The following PAQR3 variants were observed in gnomAD, a reference collection of about 807,000 sequenced individuals.
PAQR3 encodes Raf kinase trapping to Golgi.
A neutral mutation model predicts 41.7 loss-of-function variants in PAQR3; 39 were observed. That is an observed-to-expected ratio of 0.93 (90% CI 0.72 to 1.22). The LOEUF (loss-of-function observed/expected upper bound fraction) is 1.22. Ranked by LOEUF, PAQR3 falls within the 50% of genes most tolerant of loss-of-function variation. The pLI is 0.00. For missense variants in PAQR3, 366 were observed against 385.6 expected, an observed-to-expected ratio of 0.95 and a Z score of 0.42; for synonymous variants, 140 against 140.6, an observed-to-expected ratio of 1.00 and a Z score of 0.03.
intron 3 of PAQR3, among the ~76,000 whole-genome samples, chr4:78,928,643 T>C (rs1736501763): frequency 6.6e-6 from 1 of 152,196 alleles, no homozygotes; most frequent in Non-Finnish European, 1.5e-5. Flanking sequence ...GACTGTGCCT[T>C]AGAGCAGTGG....
intron 11 of PAQR3, among the ~76,000 whole-genome samples, chr4:78,898,134 T>C (rs868865834): frequency 1.1e-4 from 17 of 152,130 alleles, no homozygotes; most frequent in Admixed American, 1.3e-4. Flanking sequence ...TCTAAGACAA[T>C]TCAGTATGTT....
intron 3 of PAQR3, among the ~76,000 whole-genome samples, chr4:78,928,647 G>GC (rs546468580): frequency 9.9e-4 from 151 of 152,328 alleles, no homozygotes; most frequent in African/African-American, 3.2e-3. Flanking sequence ...GTGCCTTAGA[G>GC]CAGTGGTCTC....
rs1735336612 is a variant in PAQR3 at position 78,918,660 on chromosome 4, A to C, written c.*1879T>G. 1.1e-6 allele frequency: 1 copy of C among 951,364 alleles called. No individual in the cohort carries two copies. The highest frequency in any genetic ancestry group is 1.8e-5 in the African/African-American group (1 of 56,482). 58.9% of individuals were successfully genotyped at this position (951,364 alleles called of 1,614,324 possible). ...ATTCAAATGGCAAGTATGTATTCAT[A>C]TACTAATACAGGGACTGCAAAAATT... On this transcript the variant is annotated 3_prime_UTR_variant, in exon 6 of 6. Transcript: ENST00000512733.
Position 78,919,866 on chromosome 4 carries a change from G to T in PAQR3, c.*673C>A, listed in dbSNP as rs1380518279. ...TAATCTTGTACTTAGTTTCTAATGT[G>T]ATTCTTATCTGATAGAAAATGAGAA... On this transcript the variant is annotated 3_prime_UTR_variant, in exon 6 of 6. Coordinates refer to ENST00000512733, the MANE Select transcript of PAQR3 (RefSeq NM_001040202.2). The T allele has an allele frequency of 3.0e-6, 3 of 984,904 alleles. No individual in the cohort carries two copies. Among genetic ancestry groups the T allele is most frequent in the Non-Finnish European group, 3.6e-6 (3 of 829,400 alleles). The allele number at this position is 984,904 out of a possible 1,614,324, so 61.0% of individuals were successfully genotyped here. A position where few individuals can be genotyped will look rare whatever the true frequency, so the allele number is the denominator to read the frequency against.
chr4:78,898,768 G>A (rs1733845423), intron 11 of PAQR3: 1 of 151,886 alleles, frequency 6.6e-6, no homozygotes, highest in Non-Finnish European at 1.5e-5. Context: ...CTTGGACAAT[G>A]TGAATTGGGA....
At chr4:78,891,477 TTTC>T (rs777469511) in intron 11 of PAQR3, among the ~76,000 whole-genome samples, 63 of 152,176 alleles carry the variant, frequency 4.1e-4, no homozygotes, top group Non-Finnish European at 8.7e-4. Context: ...CTTTCTGGAC[TTTC>T]TTCTTTTAAA....
At chr4:78,898,096 G>C (rs1486298334) in intron 11 of PAQR3, among the ~76,000 whole-genome samples, 1 of 152,182 alleles carries the variant, frequency 6.6e-6, no homozygotes, top group East Asian at 1.9e-4. Flanking sequence ...AGGGCATTCA[G>C]AGCAGAGAGA....
At chr4:78,909,511 T>C (rs1448966170), downstream of PAQR3, among the ~76,000 whole-genome samples, 3 of 152,196 alleles carry the variant, frequency 2.0e-5, no homozygotes, top group Non-Finnish European at 2.9e-5. Flanking sequence ...CCAGTCTTCC[T>C]TACCTCATGT....
At position 78,913,935 on chromosome 4, in the gene PAQR3, A is replaced by G. The variant is rs949331533; in HGVS notation, c.*6604T>C. 1 of 151,680 alleles carries G rather than the reference A, an allele frequency of 6.6e-6. No individual in the cohort carries two copies. Among genetic ancestry groups the G allele is most frequent in the Non-Finnish European group, 1.5e-5 (1 of 67,878 alleles). 9.4% of individuals were successfully genotyped at this position (151,680 alleles called of 1,614,324 possible). On this transcript the variant is annotated 3_prime_UTR_variant, in exon 6 of 6. Coordinates refer to ENST00000512733, the MANE Select transcript of PAQR3 (RefSeq NM_001040202.2). ...TTTTCTGATTCTCAGGTTGATTAAT[A>G]CTGCTAATGCAAATGCTCAAGTAGA...
At chr4:78,931,633 T>C (rs1736907188) in intron 2 of PAQR3, among the ~76,000 whole-genome samples, 2 of 151,960 alleles carry the variant, frequency 1.3e-5, no homozygotes, top group African/African-American at 2.4e-5. Flanking sequence ...CACAGCATAA[T>C]TGGAAAAGGT....
chr4:78,938,257 G>T (rs1344126872), intron 1 of PAQR3, among the ~76,000 whole-genome samples: 1 of 152,210 alleles, frequency 6.6e-6, no homozygotes, highest in Non-Finnish European at 1.5e-5. Context: ...AGTACAGGTA[G>T]TAAGTTTGGA....
chr4:78,910,626 A>G, downstream of PAQR3: 2 of 1,539,382 alleles, frequency 1.3e-6, no homozygotes, highest in South Asian at 2.6e-5. Flanking sequence ...CTGAAAAGAA[A>G]GCTGAACATT....
downstream of PAQR3, among the ~76,000 whole-genome samples, chr4:78,909,089 C>T (rs141021513): frequency 3.1e-4 from 33 of 108,194 alleles, no homozygotes; most frequent in East Asian, 5.7e-3. Context: ...TGAGACAGTT[C>T]GCTCTTTGGC....
chr4:78,939,314 C>G lies in PAQR3; in HGVS notation c.-90G>C. The G allele has an allele frequency of 8.0e-7, 1 of 1,248,862 alleles. No homozygotes were observed. Among genetic ancestry groups the G allele is most frequent in the South Asian group, 1.7e-5 (1 of 58,310 alleles). The allele number at this position is 1,248,862 out of a possible 1,614,324, so 77.4% of individuals were successfully genotyped here. ...GGCTTCGCCGCTGGCGCCCCCGCCC[C>G]GGAGCCCGCGGACGCTGCGCGAGGT... is the stretch of plus-strand genomic sequence containing the variant. On this transcript the variant is annotated 5_prime_UTR_variant, in exon 1 of 6. Transcript: ENST00000512733.
At chr4:78,887,848 A>AT (rs1733183734) in intron 12 of PAQR3, among the ~76,000 whole-genome samples, 1 of 152,218 alleles carries the variant, frequency 6.6e-6, no homozygotes, top group South Asian at 2.1e-4. Flanking sequence ...ATTTTCATGT[A>AT]TGTATGGTTA....
chr4:78,929,109 C>T (rs1263616746), intron 3 of PAQR3, among the ~76,000 whole-genome samples: 1 of 152,242 alleles, frequency 6.6e-6, no homozygotes, highest in African/African-American at 2.4e-5. Flanking sequence ...CCTCCTGCTG[C>T]ATGGCCTGGT....
chr4:78,934,323 C>G (rs949738752), intron 2 of PAQR3, among the ~76,000 whole-genome samples: 1 of 152,214 alleles, frequency 6.6e-6, no homozygotes, highest in African/African-American at 2.4e-5. Flanking sequence ...ATTTGTGCAG[C>G]TGAGTTATGA....
chr4:78,939,131 T>G lies in PAQR3; in HGVS notation c.94A>C (p.Thr32Pro), dbSNP rs758856211. ...AGGGACCCGGGGATCTGCTCGTAGG[T>G]GTACAGGCGGATGCCACGGGGCACC... is the stretch of plus-strand genomic sequence containing the variant. Reference protein sequence around the residue: ...VLVPRGIRLYTYEQIPGSLKD... With the variant: ...VLVPRGIRLYPYEQIPGSLKD... Residue 32 changes from threonine to proline, a missense_variant, in exon 1 of 6, where the codon ACC becomes CCC. Thr to Pro is a conservative substitution (Grantham distance 38). Coordinates refer to ENST00000512733, the MANE Select transcript of PAQR3 (RefSeq NM_001040202.2). The G allele has an allele frequency of 1.9e-6, 3 of 1,613,732 alleles. No individual in the cohort carries two copies. Among genetic ancestry groups the G allele is most frequent in the Non-Finnish European group, 2.5e-6 (3 of 1,179,854 alleles).
intron 11 of PAQR3, among the ~76,000 whole-genome samples, chr4:78,896,667 AAATG>A (rs1333215792): frequency 6.6e-6 from 1 of 152,228 alleles, no homozygotes; most frequent in Non-Finnish European, 1.5e-5. Flanking sequence ...TGATTTTTAC[AAATG>A]AATTATCTTT....
Sources: gnomAD v4.1 joint callset for allele counts (sites outside exome capture counted in the v4.1 genomes callset) on GRCh38, gnomAD v4.1.1 for gene constraint, MANE v1.5 for transcripts, NCBI Gene and HGNC (gene_info 2026-07-23, HGNC 2026-07-21) for gene names.